Variants in DNAH9 observed in about 807,000 individuals in gnomAD.
DNAH9 encodes dynein axonemal heavy chain 9, also known as DNAH9 variant protein.
A neutral mutation model predicts 471.6 loss-of-function variants in DNAH9; 345 were observed. The observed-to-expected ratio is 0.73, with a 90% CI of 0.67 to 0.80. DNAH9 has a LOEUF of 0.80. DNAH9 is among the 30% of genes least tolerant of loss of function. DNAH9 has a pLI of 0.00. For synonymous variants in DNAH9, 2,093 were observed against 2,123.6 expected, an observed-to-expected ratio of 0.99 and a Z score of 0.40; for missense variants, 5,407 against 5,609.2, an observed-to-expected ratio of 0.96 and a Z score of 1.15.
intron 33 of DNAH9, 97 bp downstream of exon 33, chr17:11,753,057 A>AT: frequency 9.7e-7 from 1 of 1,028,936 alleles, no homozygotes; most frequent in Non-Finnish European, 1.4e-6. Flanking sequence ...ATTCCACATG[A>AT]TGGCTGGCTC....
chr17:11,841,790 G>C (rs191243329), intron 49 of DNAH9, among the ~76,000 whole-genome samples: 11 of 152,158 alleles, frequency 7.2e-5, no homozygotes, highest in Non-Finnish European at 1.6e-4. Context: ...AATGAGAGGT[G>C]GGTTTGCGTG....
chr17:11,961,736 T>G, intron 67 of DNAH9, 131 bp from the exon 68 acceptor site: 1 of 1,161,994 alleles, frequency 8.6e-7, no homozygotes, highest in Non-Finnish European at 1.2e-6. Context: ...GAGTTTTATG[T>G]TCAAATGACA....
At position 11,878,154 on chromosome 17, in the gene DNAH9, T is replaced by C. The variant is rs528479822; in HGVS notation, c.10479-1924T>C. ...TAACAATGCATTTTAGACAGGTGTA[T>C]GTTCTTTTTGCTCATTGCAGTGTCC... On this transcript the variant is annotated intron_variant, in intron 53 of 68. Transcript: ENST00000262442. Among the ~76,000 whole-genome samples the C allele has an allele frequency of 2.7e-4, 41 of 152,334 alleles. 1 individual carries two copies. The South Asian group carries it at 6.6e-3, about 25-fold the overall frequency.
At chr17:11,601,756 T>C (rs983652556) in intron 1 of DNAH9, among the ~76,000 whole-genome samples, 8 of 152,058 alleles carry the variant, frequency 5.3e-5, no homozygotes, top group Admixed American at 2.0e-4. Flanking sequence ...CAGCACCTTG[T>C]AATCAGCTTA....
intron 8 of DNAH9, among the ~76,000 whole-genome samples, chr17:11,634,321 G>A (rs978775071): frequency 4.6e-5 from 7 of 152,076 alleles, no homozygotes; most frequent in African/African-American, 1.7e-4. Context: ...ATCTCCAATT[G>A]ACATAAGCTC....
At position 11,598,491 on chromosome 17, in the gene DNAH9, C is replaced by A; in HGVS notation, c.-8C>A. The A allele has an allele frequency of 7.3e-7, 1 of 1,364,992 alleles. No homozygotes were observed. The highest frequency in any genetic ancestry group is 9.4e-7 in the Non-Finnish European group (1 of 1,067,740). 84.6% of individuals were successfully genotyped at this position (1,364,992 alleles called of 1,614,324 possible). On this transcript the variant is annotated 5_prime_UTR_variant, in exon 1 of 69. Coordinates refer to ENST00000262442, the MANE Select transcript of DNAH9 (RefSeq NM_001372.4). ...TAGGGAAACCGATGCAGCTGGAGGC[C>A]GCGCGCGATGCGGCTCGCGGAGGAG...
chr17:11,768,336 C>A, intron 36 of DNAH9, 117 bp from the exon 37 acceptor site: 2 of 1,053,160 alleles, frequency 1.9e-6, no homozygotes, highest in Admixed American at 4.4e-5. Context: ...AGCCGGCAGG[C>A]CCACACAGGG....
In DNAH9 at chr17:11,805,318, G is replaced by A. The variant is rs576938803; in HGVS notation, c.8421-2414G>A. Among the ~76,000 whole-genome samples the A allele has an allele frequency of 1.1e-4, 16 of 152,074 alleles. No individual in the cohort carries two copies. The South Asian group carries it at 2.3e-3, about 22-fold the overall frequency. On this transcript the variant is annotated intron_variant, in intron 43 of 68. Coordinates refer to ENST00000262442, the MANE Select transcript of DNAH9 (RefSeq NM_001372.4). ...ATATACACTCACATGTTGTTCATGCGTTGAACCCCACCCACCAAAACCCGT... is the reference window on the plus strand; with the variant it reads ...ATATACACTCACATGTTGTTCATGCATTGAACCCCACCCACCAAAACCCGT...
At chr17:11,940,267 G>A (rs1038929057) in intron 66 of DNAH9, among the ~76,000 whole-genome samples, 1 of 152,154 alleles carries the variant, frequency 6.6e-6, no homozygotes, top group African/African-American at 2.4e-5. Flanking sequence ...TGTGGACCTG[G>A]GTCCTTCCCT....
chr17:11,765,843 G>A (rs909262943), intron 36 of DNAH9, among the ~76,000 whole-genome samples: 5 of 152,190 alleles, frequency 3.3e-5, no homozygotes, highest in African/African-American at 1.2e-4. Context: ...CCCGTCAAAT[G>A]CAGTCTCTGA....
Position 11,664,956 on chromosome 17 carries a change from C to T in DNAH9, c.2719C>T (p.Leu907=), listed in dbSNP as rs1319004458. The T allele has an allele frequency of 6.2e-7, 1 of 1,612,964 alleles. No homozygotes were observed. ...CATTGAGTGCTCCCTCAAGTATCTTCTGGAAAATACTGGTACTTACTGGCT... is the reference window on the plus strand; with the variant it reads ...CATTGAGTGCTCCCTCAAGTATCTTTTGGAAAATACTGGTACTTACTGGCT... ...LAIECSLKYL[L]ENTECKAGLT... The change falls in exon 15 of 69, where the codon CTG becomes TTG. Residue 907 remains leucine, a synonymous_variant. Transcript: ENST00000262442.
At chr17:11,907,871 C>T (rs1973661194) in intron 61 of DNAH9, among the ~76,000 whole-genome samples, 1 of 152,164 alleles carries the variant, frequency 6.6e-6, no homozygotes, top group Non-Finnish European at 1.5e-5. Flanking sequence ...GAATTTAGTT[C>T]CTTTGAGAAT....
At chr17:11,884,325 G>A (rs761205552) in intron 56 of DNAH9, 4 of 250,316 alleles carry the variant, frequency 1.6e-5, no homozygotes, top group Non-Finnish European at 2.4e-5. Context: ...GGTCCCCCCT[G>A]TGAGGACTAG....
chr17:11,851,483 G>T (rs1971419724), intron 49 of DNAH9, among the ~76,000 whole-genome samples: 1 of 152,136 alleles, frequency 6.6e-6, no homozygotes, highest in Non-Finnish European at 1.5e-5. Flanking sequence ...AGTGTTCCAG[G>T]CAGAGACCTG....
At chr17:11,728,792 C>T (rs1380793595) in intron 28 of DNAH9, among the ~76,000 whole-genome samples, 1 of 152,162 alleles carries the variant, frequency 6.6e-6, no homozygotes, top group Non-Finnish European at 1.5e-5. Flanking sequence ...AAAGATCTTT[C>T]ACGTCTTTCC....
intron 67 of DNAH9, among the ~76,000 whole-genome samples, chr17:11,948,740 T>TATC (rs1975242685): frequency 6.6e-6 from 1 of 152,140 alleles, no homozygotes; most frequent in South Asian, 2.1e-4. Context: ...GTGGGACCCT[T>TATC]ATCACTTTCA....
intron 67 of DNAH9, among the ~76,000 whole-genome samples, chr17:11,956,778 C>T (rs1237729398): frequency 6.6e-6 from 1 of 151,392 alleles, no homozygotes; most frequent in African/African-American, 2.4e-5. Context: ...TTAGCTAAAG[C>T]AGAACTTAGA....
At chr17:11,782,547 T>C (rs1472761863) in intron 39 of DNAH9, among the ~76,000 whole-genome samples, 1 of 152,106 alleles carries the variant, frequency 6.6e-6, no homozygotes, top group East Asian at 1.9e-4. Context: ...CATTCTACCG[T>C]CTCCCACTCA....
intron 27 of DNAH9, among the ~76,000 whole-genome samples, chr17:11,723,657 A>G (rs2075100999): frequency 6.6e-6 from 1 of 151,968 alleles, no homozygotes; most frequent in Non-Finnish European, 1.5e-5. Context: ...ATCACTGTAA[A>G]AAATTGAATT....
Sources: allele counts gnomAD v4.1 joint callset (sites outside exome capture counted in the v4.1 genomes callset), GRCh38; gene constraint gnomAD v4.1.1; transcripts MANE v1.5; gene names NCBI Gene and HGNC (gene_info 2026-07-23, HGNC 2026-07-21).